The following IL23R variants were observed in gnomAD, a reference collection of about 807,000 sequenced individuals.
IL23R encodes interleukin 23 receptor, also known as interleukin-23 receptor.
A neutral mutation model predicts 56.9 loss-of-function variants in IL23R; 34 were observed. That is an observed-to-expected ratio of 0.60 (90% CI 0.45 to 0.80). IL23R has a LOEUF of 0.80. Ranked by LOEUF, IL23R falls within the 30% of genes least tolerant of loss-of-function variation. The pLI is 0.00. For synonymous variants in IL23R, 230 were observed against 249.2 expected (o/e 0.92, Z 0.73); for missense variants, 635 against 730.0 (o/e 0.87, Z 1.50).
intron 6 of IL23R, among the ~76,000 whole-genome samples, chr1:67,217,401 C>G: frequency 6.6e-6 from 1 of 152,174 alleles, no homozygotes; most frequent in East Asian, 1.9e-4. Context: ...CAACTGATAA[C>G]AGTTCCATAA....
chr1:67,260,487 C>G (rs1653170708), downstream of IL23R, among the ~76,000 whole-genome samples: 1 of 152,068 alleles, frequency 6.6e-6, no homozygotes, highest in South Asian at 2.1e-4. Context: ...ATATCACCAG[C>G]CAATCAGAAC....
downstream of IL23R, among the ~76,000 whole-genome samples, chr1:67,260,239 T>A (rs971024755): frequency 5.9e-5 from 9 of 152,138 alleles, no homozygotes; most frequent in African/African-American, 1.7e-4. Context: ...TGGGTTGCTG[T>A]CTTCACTTAA....
intron 1 of IL23R, among the ~76,000 whole-genome samples, chr1:67,152,299 G>T (rs1412417782): frequency 1.3e-5 from 2 of 150,614 alleles, no homozygotes; most frequent in Admixed American, 1.3e-4. Context: ...TTGTGATTTT[G>T]ATTGATTTTG....
At chr1:67,176,256 G>T (rs1378406261) in intron 3 of IL23R, among the ~76,000 whole-genome samples, 2 of 152,088 alleles carry the variant, frequency 1.3e-5, no homozygotes, top group Non-Finnish European at 2.9e-5. Context: ...GGAGTAGCTG[G>T]GGGAGACTGA....
chr1:67,251,356 G>T (rs1385485554), intron 9 of IL23R, among the ~76,000 whole-genome samples: 1 of 151,406 alleles, frequency 6.6e-6, no homozygotes, highest in East Asian at 1.9e-4. Flanking sequence ...GGAGGCTGAG[G>T]CAGGAGAATG....
At chr1:67,173,207 A>G (rs1646965415) in intron 3 of IL23R, among the ~76,000 whole-genome samples, 1 of 152,210 alleles carries the variant, frequency 6.6e-6, no homozygotes, top group South Asian at 2.1e-4. Flanking sequence ...CCTAACAACA[A>G]CTTGATGTTA....
In IL23R at chr1:67,208,501, TGC is replaced by T. The variant is rs942996584; in HGVS notation, c.798+1447_798+1448del. ...GGGACTTGGTGCCCTGTGTCCCAGC[TGC>T]TCCAACCATGGCTCAAAGGGCCAAC... On this transcript the variant is annotated intron_variant, in intron 6 of 10. Coordinates refer to ENST00000347310, the MANE Select transcript of IL23R (RefSeq NM_144701.3). Among the ~76,000 whole-genome samples the T allele has an allele frequency of 1.1e-4, 17 of 152,336 alleles. 2 individuals carry two copies. The highest frequency in any genetic ancestry group is 3.9e-4 in the East Asian group (2 of 5,192).
Position 67,259,010 on chromosome 1 carries a change from C to T in IL23R, c.1772C>T (p.Pro591Leu), listed in dbSNP as rs1349677894. The stretch of plus-strand genomic sequence containing the variant: ...ACTATTCCAGAACAGACCCTGCTTC[C>T]TGATGAATTTGTCTCCTGTTTGGGG... Reference protein sequence around the residue: ...SETIPEQTLLPDEFVSCLGIV... With the variant: ...SETIPEQTLLLDEFVSCLGIV... Residue 591 changes from proline to leucine, a missense_variant, in exon 11 of 11, where the codon CCT (proline) becomes CTT (leucine). Physicochemically the swap from Pro to Leu is moderately conservative, Grantham distance 98. Coordinates refer to ENST00000347310, the MANE Select transcript of IL23R (RefSeq NM_144701.3). The T allele has an allele frequency of 6.2e-7, 1 of 1,614,028 alleles. No individual in the cohort carries two copies. Among genetic ancestry groups the T allele is most frequent in the South Asian group, 1.1e-5 (1 of 91,076 alleles).
chr1:67,254,495 T>G (rs1309706181), intron 9 of IL23R, among the ~76,000 whole-genome samples: 1 of 152,026 alleles, frequency 6.6e-6, no homozygotes. Flanking sequence ...ACTAATTTGG[T>G]CTAATTTTAA....
chr1:67,192,347 G>A (rs777386326), intron 4 of IL23R, among the ~76,000 whole-genome samples: 2 of 152,192 alleles, frequency 1.3e-5, no homozygotes, highest in Non-Finnish European at 2.9e-5. Context: ...TCTCAGACAT[G>A]TAAGCATGGG....
At chr1:67,250,243 T>A (rs1002864303) in intron 9 of IL23R, among the ~76,000 whole-genome samples, 1 of 152,216 alleles carries the variant, frequency 6.6e-6, no homozygotes, top group South Asian at 2.1e-4. Flanking sequence ...GTGCCTAAAT[T>A]TCCTTTCATG....
At chr1:67,156,416 C>T (rs1003917210) in intron 1 of IL23R, among the ~76,000 whole-genome samples, 3 of 152,182 alleles carry the variant, frequency 2.0e-5, no homozygotes, top group Non-Finnish European at 4.4e-5. Flanking sequence ...TGCAGCTGTC[C>T]CCTCCCTCCA....
In IL23R at chr1:67,259,582, A is replaced by G. The variant is rs1653130965; in HGVS notation, c.*454A>G. 1 of 207,492 alleles carries G rather than the reference A, an allele frequency of 4.8e-6. No homozygotes were observed. Among genetic ancestry groups the G allele is most frequent in the Non-Finnish European group, 9.7e-6 (1 of 102,634 alleles). The allele number at this position is 207,492 out of a possible 1,614,324, so 12.9% of individuals were successfully genotyped here. Reference sequence around the variant, plus strand: ...CCTCTTTATTTTCCCTCATTGAAAGATGCAAAACAGCTCTCTATTGTGTAC... The same window carrying G: ...CCTCTTTATTTTCCCTCATTGAAAGGTGCAAAACAGCTCTCTATTGTGTAC... On this transcript the variant is annotated 3_prime_UTR_variant, in exon 11 of 11. Coordinates refer to ENST00000347310, the MANE Select transcript of IL23R (RefSeq NM_144701.3).
At chr1:67,204,066 T>C (rs1648824894) in intron 5 of IL23R, among the ~76,000 whole-genome samples, 1 of 152,118 alleles carries the variant, frequency 6.6e-6, no homozygotes, top group Non-Finnish European at 1.5e-5. Context: ...AATTGATACT[T>C]TTTTTTTCTT....
intron 7 of IL23R, among the ~76,000 whole-genome samples, chr1:67,234,865 G>A (rs1651364853): frequency 1.3e-5 from 2 of 151,682 alleles, no homozygotes; most frequent in South Asian, 4.2e-4. Flanking sequence ...CTGCCACCAT[G>A]CCTGGCTAAT....
At chr1:67,170,216 T>C (rs1646926473) in intron 3 of IL23R, among the ~76,000 whole-genome samples, 1 of 152,194 alleles carries the variant, frequency 6.6e-6, no homozygotes, top group South Asian at 2.1e-4. Flanking sequence ...GGAGGCTAAT[T>C]ATACAGGCTG....
chr1:67,214,211 A>AG (rs1303033794), intron 6 of IL23R, among the ~76,000 whole-genome samples: 1 of 152,228 alleles, frequency 6.6e-6, no homozygotes, highest in African/African-American at 2.4e-5. Context: ...AACATCTCAG[A>AG]GAAAAACCAC....
At chr1:67,180,648 T>A (rs1441284497) in intron 3 of IL23R, among the ~76,000 whole-genome samples, 2 of 152,318 alleles carry the variant, frequency 1.3e-5, no homozygotes, top group South Asian at 4.2e-4. Context: ...ATGTGTGAAT[T>A]TGATCCTGTC....
In IL23R at chr1:67,259,393, C is replaced by T. The variant is rs1203030820; in HGVS notation, c.*265C>T. 2.2e-6 allele frequency: 1 copy of T among 453,500 alleles called. No individual in the cohort carries two copies. Among genetic ancestry groups the T allele is most frequent in the Non-Finnish European group, 4.0e-6 (1 of 249,364 alleles). The allele number at this position is 453,500 out of a possible 1,614,324, so 28.1% of individuals were successfully genotyped here. ...CTCCTACCATCACCATGTAAGAATT[C>T]CCGGGAGCTCCATGCCTTTTTAATT... On this transcript the variant is annotated 3_prime_UTR_variant, in exon 11 of 11. Coordinates refer to ENST00000347310, the MANE Select transcript of IL23R (RefSeq NM_144701.3).
Sources: allele counts gnomAD v4.1 joint callset (sites outside exome capture counted in the v4.1 genomes callset), GRCh38; gene constraint gnomAD v4.1.1; transcripts MANE v1.5; gene names NCBI Gene and HGNC (gene_info 2026-07-23, HGNC 2026-07-21).